Variants in SNTG2 observed in about 807,000 individuals in gnomAD.
The protein encoded by SNTG2 is syntrophin gamma 2, also known as gamma-2-syntrophin.
A neutral mutation model predicts 70.9 loss-of-function variants in SNTG2; 74 were observed. The observed-to-expected ratio is 1.04, with a 90% confidence interval of 0.86 to 1.27. SNTG2 has a LOEUF of 1.27. Ranked by LOEUF, SNTG2 falls within the 50% of genes most tolerant of loss-of-function variation. The pLI is 0.00. For missense variants in SNTG2, 717 were observed against 690.7 expected, an observed-to-expected ratio of 1.04 and a Z score of -0.43; for synonymous variants, 278 against 273.8, an observed-to-expected ratio of 1.02 and a Z score of -0.15.
intron 6 of SNTG2, among the ~76,000 whole-genome samples, chr2:1,146,518 GC>G (rs1452606417): frequency 1.6e-5 from 1 of 63,096 alleles, no homozygotes. Context: ...CAAAATTCTA[GC>G]AAAAAGTTTT....
At chr2:1,184,453 T>G (rs927174619) in intron 8 of SNTG2, among the ~76,000 whole-genome samples, 1 of 152,200 alleles carries the variant, frequency 6.6e-6, no homozygotes, top group African/African-American at 2.4e-5. Context: ...CTCACACTGC[T>G]ATAAAGAAGT....
At chr2:951,647 C>T (rs1659969135) in intron 1 of SNTG2, among the ~76,000 whole-genome samples, 2 of 152,206 alleles carry the variant, frequency 1.3e-5, no homozygotes, top group Non-Finnish European at 2.9e-5. Flanking sequence ...AAATAACTCC[C>T]TCTTCACCTT....
chr2:1,290,035 G>A (rs953449455), intron 14 of SNTG2, among the ~76,000 whole-genome samples: 4 of 152,148 alleles, frequency 2.6e-5, no homozygotes, highest in Non-Finnish European at 4.4e-5. Context: ...TTCATCCTTT[G>A]ATGGACACTT....
chr2:1,348,057 A>G (rs1189926917), intron 16 of SNTG2, among the ~76,000 whole-genome samples: 1 of 151,568 alleles, frequency 6.6e-6, no homozygotes, highest in African/African-American at 2.4e-5. Flanking sequence ...CCGGGTTGCA[A>G]CTCTCAAGCT....
chr2:1,034,515 A>T (rs1292265808), intron 1 of SNTG2, among the ~76,000 whole-genome samples: 1 of 152,126 alleles, frequency 6.6e-6, no homozygotes, highest in Non-Finnish European at 1.5e-5. Flanking sequence ...CTGTTTTTCA[A>T]TCTTTGAGGA....
chr2:1,238,357 T>G (rs1046571118), intron 10 of SNTG2, among the ~76,000 whole-genome samples: 20 of 152,174 alleles, frequency 1.3e-4, no homozygotes, highest in African/African-American at 4.8e-4. Flanking sequence ...TTTACCCAAA[T>G]GCATTGATAC....
At chr2:957,788 G>A (rs1660217187) in intron 1 of SNTG2, among the ~76,000 whole-genome samples, 1 of 152,136 alleles carries the variant, frequency 6.6e-6, no homozygotes. Flanking sequence ...AGAGCTAGAG[G>A]AGGCAGGAAG....
chr2:1,012,056 T>C (rs1233033135), intron 1 of SNTG2, among the ~76,000 whole-genome samples: 5 of 152,232 alleles, frequency 3.3e-5, no homozygotes, highest in Non-Finnish European at 7.3e-5. Flanking sequence ...TCCTGGATCT[T>C]CCTCTAAATC....
At chr2:1,058,798 G>A (rs1662626370) in intron 1 of SNTG2, among the ~76,000 whole-genome samples, 1 of 152,226 alleles carries the variant, frequency 6.6e-6, no homozygotes, top group Non-Finnish European at 1.5e-5. Context: ...AATGGCACCT[G>A]TTTGTGCCAC....
chr2:1,260,526 A>T (rs921358341), intron 13 of SNTG2, among the ~76,000 whole-genome samples: 1 of 152,274 alleles, frequency 6.6e-6, no homozygotes, highest in African/African-American at 2.4e-5. Flanking sequence ...ATCATTGATC[A>T]GAAAGTGAAC....
At chr2:1,042,723 G>A (rs1423154664) in intron 1 of SNTG2, among the ~76,000 whole-genome samples, 1 of 152,166 alleles carries the variant, frequency 6.6e-6, no homozygotes, top group Non-Finnish European at 1.5e-5. Flanking sequence ...TGACTGCATA[G>A]TATTCCATGG....
chr2:1,277,740 CA>C (rs1679325602), intron 14 of SNTG2, among the ~76,000 whole-genome samples: 1 of 152,214 alleles, frequency 6.6e-6, no homozygotes, highest in Non-Finnish European at 1.5e-5. Flanking sequence ...AGGGAAGAGG[CA>C]GCTGGTGACA....
At chr2:1,347,499 T>G (rs1020059602) in intron 16 of SNTG2, among the ~76,000 whole-genome samples, 1 of 152,208 alleles carries the variant, frequency 6.6e-6, no homozygotes, top group Non-Finnish European at 1.5e-5. Context: ...TGGTTCTTCT[T>G]AAAGACCACA....
At position 1,032,768 on chromosome 2, in the gene SNTG2, A is replaced by G. The variant is rs530995307; in HGVS notation, c.73-50750A>G. ...GTAGATACACCCTTGGTGTATTCCA[A>G]TGTACCTCATTGGTAGATACATCAA... On this transcript the variant is annotated intron_variant, in intron 1 of 16. Coordinates refer to ENST00000308624, the MANE Select transcript of SNTG2 (RefSeq NM_018968.4). Among the ~76,000 whole-genome samples, 72 of 150,100 alleles carry G rather than the reference A, an allele frequency of 4.8e-4. 1 individual carries two copies. Among genetic ancestry groups the G allele is most frequent in the African/African-American group, 1.4e-3 (56 of 40,922 alleles).
intron 1 of SNTG2, among the ~76,000 whole-genome samples, chr2:1,026,274 A>G (rs548516867): frequency 5.8e-4 from 88 of 152,258 alleles, no homozygotes; most frequent in African/African-American, 2.0e-3. Flanking sequence ...TATTAATCAG[A>G]CTCTCAATTG....
At position 1,030,582 on chromosome 2, in the gene SNTG2, CT is replaced by C. The variant is rs1251853849; in HGVS notation, c.73-52932del. ...ATACTTTGGCCATGTCAGTCATGGC[CT>C]TTTCTCAGTCATAAACCTACAGTAG... On this transcript the variant is annotated intron_variant, in intron 1 of 16. Transcript: ENST00000308624. Among the ~76,000 whole-genome samples the C allele has an allele frequency of 2.6e-5, 4 of 152,274 alleles. No homozygotes were observed. The East Asian group carries it at 7.7e-4, about 29-fold the overall frequency.
intron 16 of SNTG2, among the ~76,000 whole-genome samples, chr2:1,355,042 A>T (rs573058085): frequency 6.6e-5 from 10 of 152,300 alleles, no homozygotes; most frequent in African/African-American, 2.4e-4. Context: ...TTGTTACAAG[A>T]CTAAGTAAAA....
At chr2:1,350,364 G>T (rs889649792) in intron 16 of SNTG2, among the ~76,000 whole-genome samples, 2 of 152,286 alleles carry the variant, frequency 1.3e-5, no homozygotes, top group East Asian at 3.9e-4. Context: ...GTGAATGGAG[G>T]TCTGGAAGGA....
At chr2:1,322,458 T>G (rs573382100) in intron 16 of SNTG2, among the ~76,000 whole-genome samples, 2 of 152,328 alleles carry the variant, frequency 1.3e-5, no homozygotes, top group South Asian at 4.1e-4. Flanking sequence ...GGAATGGAGC[T>G]GGAGTTCCAA....
Sources: gnomAD v4.1 joint callset for allele counts (sites outside exome capture counted in the v4.1 genomes callset) on GRCh38, gnomAD v4.1.1 for gene constraint, MANE v1.5 for transcripts, NCBI Gene and HGNC (gene_info 2026-07-23, HGNC 2026-07-21) for gene names.